TOP2A: variants seen among roughly 807,000 people sequenced by gnomAD.
The protein encoded by TOP2A is DNA topoisomerase 2-alpha.
TOP2A carries 68 observed loss-of-function variants against 187.2 expected under a neutral mutation model. That is an observed-to-expected ratio of 0.36 (90% CI 0.30 to 0.44). The LOEUF is 0.44. Among genes scored for constraint, TOP2A ranks in the 20% least tolerant of loss-of-function variants. The pLI, the probability that TOP2A is intolerant of heterozygous loss-of-function variation, is 1.00. For missense variants in TOP2A, 1,196 were observed against 1,808.7 expected, an observed-to-expected ratio of 0.66 and a Z score of 6.14; for synonymous variants, 542 against 593.2, an observed-to-expected ratio of 0.91 and a Z score of 1.25.
At chr17:40,405,681 G>A (rs1037788849) in intron 16 of TOP2A, among the ~76,000 whole-genome samples, 2 of 151,934 alleles carry the variant, frequency 1.3e-5, no homozygotes, top group African/African-American at 2.4e-5. Context: ...GTGTTAGCCA[G>A]GATGGTCTCC....
chr17:40,404,508 T>C lies in TOP2A; in HGVS notation c.2047-17A>G. On this transcript the variant is annotated splice_polypyrimidine_tract_variant and intron_variant, in intron 17 of 34. Transcript: ENST00000423485. Reference sequence around the variant, plus strand: ...CAAGTAATCCTGAAGGACCAAATAGTATTACATGAGTCTACCGGTCTAAAC... The same window carrying C: ...CAAGTAATCCTGAAGGACCAAATAGCATTACATGAGTCTACCGGTCTAAAC... 5.7e-6 allele frequency: 8 copies of C among 1,415,484 alleles called. No individual in the cohort carries two copies. The highest frequency in any genetic ancestry group is 1.2e-5 in the South Asian group (1 of 84,460). 87.7% of individuals were successfully genotyped at this position (1,415,484 alleles called of 1,614,324 possible).
intron 33 of TOP2A, among the ~76,000 whole-genome samples, chr17:40,390,918 C>A (rs1252110119): frequency 6.6e-6 from 1 of 152,154 alleles, no homozygotes. Context: ...AGCCACTGCA[C>A]CCAGCCTTAA....
intron 28 of TOP2A, among the ~76,000 whole-genome samples, chr17:40,395,800 A>AT (rs1170789636): frequency 3.3e-5 from 5 of 151,854 alleles, no homozygotes; most frequent in Non-Finnish European, 5.9e-5. Flanking sequence ...AGGCACGAGA[A>AT]TCGCTTGAAT....
In TOP2A at chr17:40,400,320, A is replaced by G. The variant is rs2035161602; in HGVS notation, c.2889T>C (p.Asp963=). Residue 963 remains aspartate, a synonymous_variant, in exon 23 of 35, where the codon GAT becomes GAC. Coordinates refer to ENST00000423485, the MANE Select transcript of TOP2A (RefSeq NM_001067.4). ...TCTTCACAACAAATTTCACAGTGGT[A>G]TCTGTATGGTATTCCCTATAGTCTG... ...LITDYREYHT[D]TTVKFVVKMT... 1 of 1,613,304 alleles carries G rather than the reference A, an allele frequency of 6.2e-7. No individual in the cohort carries two copies. The highest frequency in any genetic ancestry group is 1.3e-5 in the African/African-American group (1 of 74,750).
intron 29 of TOP2A, among the ~76,000 whole-genome samples, chr17:40,394,303 G>A (rs2035063228): frequency 6.6e-6 from 1 of 152,104 alleles, no homozygotes; most frequent in Non-Finnish European, 1.5e-5. Context: ...TATTAAAACT[G>A]TTTGTCTATA....
rs376008638 is a variant in TOP2A, at chr17:40,401,714, G to GA, written c.2433-634dup. Among the ~76,000 whole-genome samples, 393 of 149,478 alleles carry GA rather than the reference G, an allele frequency of 2.6e-3. 1 individual carries two copies. The highest frequency in any genetic ancestry group is 0.017 in the Middle Eastern group (5 of 290). On this transcript the variant is annotated intron_variant, in intron 20 of 34. Transcript: ENST00000423485. ...AAAAGAGCAAAACTCCATCTCAAAAGAAAAAAAAACAACAAAAAACAAACT... is the reference window on the plus strand; with the variant it reads ...AAAAGAGCAAAACTCCATCTCAAAAGAAAAAAAAAACAACAAAAAACAAACT...
chr17:40,408,238 C>A, intron 11 of TOP2A, 114 bp from the exon 12 acceptor site: 2 of 904,506 alleles, frequency 2.2e-6, no homozygotes, highest in South Asian at 2.1e-5. Context: ...ATATAATGAG[C>A]AAAATTATTT....
Position 40,404,475 on chromosome 17 carries a change from T to C in TOP2A, c.2063A>G (p.Gln688Arg). 6.2e-7 allele frequency: 1 copy of C among 1,604,566 alleles called. No individual in the cohort carries two copies. Among genetic ancestry groups the C allele is most frequent in the East Asian group, 2.2e-5 (1 of 44,796 alleles). ...LGLPEDYLYG[Q>R]TTTYLTYNDF... is the part of the protein sequence containing the mutation. Reference sequence around the variant, plus strand: ...ATTATATGTCAGATATGTGGTAGTTTGTCCATACAAGTAATCCTGAAGGAC... The same window carrying C: ...ATTATATGTCAGATATGTGGTAGTTCGTCCATACAAGTAATCCTGAAGGAC... Residue 688 changes from glutamine (Q) to arginine (R), a missense_variant, in exon 18 of 35, where the codon CAA becomes CGA. Physicochemically the swap from Gln to Arg is conservative, Grantham distance 43. This residue lies in a region of TOP2A where 209 missense variants were observed against 376.9 expected (regional missense o/e 0.55). Transcript: ENST00000423485.
rs1464585166 is a variant in TOP2A at position 40,400,574 on chromosome 17, A to G, written c.2754T>C (p.Ser918=). 3.7e-6 allele frequency: 6 copies of G among 1,611,748 alleles called. No individual in the cohort carries two copies. Among genetic ancestry groups the G allele is most frequent in the Non-Finnish European group, 5.1e-6 (6 of 1,179,058 alleles). Residue 918 remains serine (S), a synonymous_variant, in exon 22 of 35, where the codon TCT becomes TCC. Coordinates refer to ENST00000423485, the MANE Select transcript of TOP2A (RefSeq NM_001067.4). The part of the protein sequence containing the change: ...VISGEVAILN[S]TTIEISELPV... ...GAAGCTCTGAGATTTCAATGGTTGT[A>G]GAATTAAGAATAGCTACTTCACCAC...
At chr17:40,402,179 G>T (rs1598613493) in intron 20 of TOP2A, among the ~76,000 whole-genome samples, 1 of 152,078 alleles carries the variant, frequency 6.6e-6, no homozygotes, top group South Asian at 2.1e-4. Context: ...TTAGAAGGAT[G>T]GCATGGCATT....
At chr17:40,391,693 C>T (rs2143620581) in intron 32 of TOP2A, 53 bp from the exon 33 acceptor site, 1 of 1,469,052 alleles carries the variant, frequency 6.8e-7, no homozygotes, top group Non-Finnish European at 9.0e-7. Context: ...ACATGAAAAT[C>T]CATTTTCTGC....
intron 32 of TOP2A, 33 bp from the exon 33 acceptor site, chr17:40,391,673 T>A: frequency 6.6e-7 from 1 of 1,525,814 alleles, no homozygotes; most frequent in South Asian, 1.3e-5. Flanking sequence ...AAATAGTACA[T>A]TTAAGCAACA....
In TOP2A at chr17:40,399,026, C is replaced by G. The variant is rs2143643346; in HGVS notation, c.3288+14G>C. On this transcript the variant is annotated intron_variant, in intron 25 of 34. Coordinates refer to ENST00000423485, the MANE Select transcript of TOP2A (RefSeq NM_001067.4). The stretch of plus-strand genomic sequence containing the variant: ...TAGTCTTTAACAATATAGAAAAGTG[C>G]CACCCAAGATTACCTTTTGCTGGGC... 1.3e-6 allele frequency: 2 copies of G among 1,590,830 alleles called. No individual in the cohort carries two copies. The highest frequency in any genetic ancestry group is 3.3e-4 in the Middle Eastern group (2 of 6,020).
intron 29 of TOP2A, among the ~76,000 whole-genome samples, chr17:40,394,560 T>G (rs1209103211): frequency 6.6e-6 from 1 of 152,194 alleles, no homozygotes; most frequent in Non-Finnish European, 1.5e-5. Context: ...CTTGAACTCC[T>G]GACCTCAAGT....
chr17:40,399,506 C>T (rs774814450), intron 24 of TOP2A, among the ~76,000 whole-genome samples: 5,523 of 144,296 alleles, frequency 0.038, 162 homozygotes, highest in African/African-American at 0.078. Context: ...ATCTTCCTGC[C>T]TTTTTTTTTT....
intron 19 of TOP2A, 127 bp from the exon 20 acceptor site, chr17:40,403,181 A>G (rs1434996320): frequency 5.6e-6 from 5 of 886,208 alleles, no homozygotes; most frequent in Non-Finnish European, 8.2e-6. Context: ...TCAGATTAAT[A>G]GATGGCAGAA....
At chr17:40,391,717 T>C in intron 32 of TOP2A, 77 bp from the exon 33 acceptor site, 1 of 1,372,090 alleles carries the variant, frequency 7.3e-7, no homozygotes, top group Non-Finnish European at 9.7e-7. Context: ...GTCCCTGGTA[T>C]GAATTCCTAT....
chr17:40,417,259 G>A (rs1320160150), intron 1 of TOP2A, among the ~76,000 whole-genome samples: 1 of 152,104 alleles, frequency 6.6e-6, no homozygotes, highest in Non-Finnish European at 1.5e-5. Context: ...ACACGACACC[G>A]TAAATAATTC....
chr17:40,395,022 C>T (rs1040220277), intron 29 of TOP2A, among the ~76,000 whole-genome samples: 4 of 152,282 alleles, frequency 2.6e-5, no homozygotes, highest in African/African-American at 4.8e-5. Context: ...CAGTGGCTCA[C>T]GCCTGTAATC....
Sources: allele counts gnomAD v4.1 joint callset (sites outside exome capture counted in the v4.1 genomes callset), GRCh38; gene constraint gnomAD v4.1.1; regional missense constraint gnomAD v4.1.1; transcripts MANE v1.5; gene names NCBI Gene and HGNC (gene_info 2026-07-23, HGNC 2026-07-21).